OCLN: variants seen among roughly 807,000 people sequenced by gnomAD.
The protein encoded by OCLN is occludin, also known as phosphatase 1, regulatory subunit 115.
A neutral mutation model predicts 47.9 loss-of-function variants in OCLN; 21 were observed. The observed-to-expected ratio is 0.44, with a 90% CI of 0.31 to 0.63. OCLN has a LOEUF of 0.63. Ranked by LOEUF, OCLN falls within the 30% of genes least tolerant of loss-of-function variation. OCLN has a pLI of 0.08. For missense variants in OCLN, 360 were observed against 571.0 expected, an observed-to-expected ratio of 0.63 and a Z score of 3.77; for synonymous variants, 117 against 198.4, an observed-to-expected ratio of 0.59 and a Z score of 3.45.
chr5:69,553,811 A>G lies in OCLN; in HGVS notation c.*140A>G. 2 of 1,295,372 alleles carry G rather than the reference A, an allele frequency of 1.5e-6. No individual in the cohort carries two copies. The highest frequency in any genetic ancestry group is 2.2e-6 in the Non-Finnish European group (2 of 918,536). 80.2% of individuals were successfully genotyped at this position (1,295,372 alleles called of 1,614,324 possible). Reference sequence around the variant, plus strand: ...AAGTTTTGGTTGCTTTAACATCATCAGTATTGAAGCATTTTATAAATCGCT... The same window carrying G: ...AAGTTTTGGTTGCTTTAACATCATCGGTATTGAAGCATTTTATAAATCGCT... On this transcript the variant is annotated 3_prime_UTR_variant, in exon 9 of 9. Transcript: ENST00000396442.
At chr5:69,530,726 A>C (rs748960742) in intron 4 of OCLN, 4 of 152,124 alleles carry the variant, frequency 2.6e-5, no homozygotes, top group Non-Finnish European at 5.9e-5. Flanking sequence ...ACTGCCTTGG[A>C]ATTTATTATG....
intron 1 of OCLN, among the ~76,000 whole-genome samples, chr5:69,495,185 T>C (rs1203199252): frequency 1.3e-5 from 2 of 152,248 alleles, no homozygotes; most frequent in Non-Finnish European, 2.9e-5. Context: ...GATTGGAATA[T>C]TAATGGATCT....
chr5:69,516,322 C>T (rs535985367), intron 4 of OCLN, among the ~76,000 whole-genome samples: 1 of 152,354 alleles, frequency 6.6e-6, no homozygotes, highest in East Asian at 1.9e-4. Context: ...CAGCGAAACC[C>T]CGTCTCCACC....
At chr5:69,527,726 A>G (rs775449657) in intron 4 of OCLN, among the ~76,000 whole-genome samples, 5 of 152,110 alleles carry the variant, frequency 3.3e-5, no homozygotes, top group African/African-American at 9.7e-5. Flanking sequence ...GTCTATTTCT[A>G]TCAGTCTTGA....
rs1769957278 is a variant in OCLN, at chr5:69,555,526, C to A, written c.*1855C>A. 1.3e-5 allele frequency: 2 copies of A among 152,052 alleles called. No homozygotes were observed. The highest frequency in any genetic ancestry group is 4.8e-5 in the African/African-American group (2 of 41,456). The allele number at this position is 152,052 out of a possible 1,614,324, so 9.4% of individuals were successfully genotyped here. On this transcript the variant is annotated 3_prime_UTR_variant, in exon 9 of 9. Coordinates refer to ENST00000396442, the MANE Select transcript of OCLN (RefSeq NM_001205254.2). ...TCAGGTGATCCATCCACCTCGGCCT[C>A]CCAAAGTGCTGGGATTAGAGGCGTG...
intron 1 of OCLN, among the ~76,000 whole-genome samples, chr5:69,495,121 TC>T (rs971129752): frequency 6.6e-6 from 1 of 152,246 alleles, no homozygotes; most frequent in Non-Finnish European, 1.5e-5. Flanking sequence ...TCTTTCATCT[TC>T]CTAGGAACCT....
intron 4 of OCLN, among the ~76,000 whole-genome samples, chr5:69,518,338 C>T (rs1040040596): frequency 1.3e-5 from 2 of 152,040 alleles, no homozygotes; most frequent in African/African-American, 2.4e-5. Flanking sequence ...ATGATTTTGC[C>T]CAAACTAATG....
At chr5:69,510,119 C>T (rs1339714430) in intron 3 of OCLN, among the ~76,000 whole-genome samples, 1 of 152,204 alleles carries the variant, frequency 6.6e-6, no homozygotes, top group South Asian at 2.1e-4. Flanking sequence ...TTAGCGGTCA[C>T]TCCTCATTTC....
At chr5:69,520,986 T>C (rs1769122181) in intron 4 of OCLN, among the ~76,000 whole-genome samples, 1 of 152,160 alleles carries the variant, frequency 6.6e-6, no homozygotes, top group African/African-American at 2.4e-5. Flanking sequence ...TAGCTGGGAT[T>C]ACAGGCACAT....
At chr5:69,535,862 C>T (rs1262983546) in intron 5 of OCLN, among the ~76,000 whole-genome samples, 2 of 152,164 alleles carry the variant, frequency 1.3e-5, no homozygotes, top group African/African-American at 4.8e-5. Flanking sequence ...CGGTGGCTCA[C>T]GCCTATAATC....
At chr5:69,515,440 G>A (rs1768914372) in intron 4 of OCLN, among the ~76,000 whole-genome samples, 1 of 137,340 alleles carries the variant, frequency 7.3e-6, no homozygotes, top group African/African-American at 2.8e-5. Flanking sequence ...AGACGGGGCG[G>A]CTGGCCGGGC....
At chr5:69,504,154 A>G (rs754064790) in intron 1 of OCLN, 23 bp from the exon 2 acceptor site, 1 of 880,508 alleles carries the variant, frequency 1.1e-6, no homozygotes. Context: ...TAGTAATGCC[A>G]TAACTCTACT....
chr5:69,531,663 C>A (rs1019491087), intron 4 of OCLN, among the ~76,000 whole-genome samples: 5 of 152,208 alleles, frequency 3.3e-5, no homozygotes, highest in Non-Finnish European at 5.9e-5. Flanking sequence ...CGTGGCAACC[C>A]ACCCACTGGT....
At chr5:69,551,612 GA>G in intron 8 of OCLN, 27 bp downstream of exon 8, 1 of 104,732 alleles carries the variant, frequency 9.5e-6, no homozygotes, top group Non-Finnish European at 1.7e-5. Flanking sequence ...GTTCTTTTAG[GA>G]AGAACTTTCT....
chr5:69,503,871 T>C (rs1768524568), intron 1 of OCLN, among the ~76,000 whole-genome samples: 1 of 152,202 alleles, frequency 6.6e-6, no homozygotes, highest in Non-Finnish European at 1.5e-5. Context: ...CACTTTCTTA[T>C]ACATTCTCAT....
At chr5:69,524,647 G>T (rs936594747) in intron 4 of OCLN, among the ~76,000 whole-genome samples, 4 of 152,018 alleles carry the variant, frequency 2.6e-5, no homozygotes, top group Admixed American at 6.6e-5. Flanking sequence ...TGGGGTTTTG[G>T]ATTATTAAGA....
chr5:69,526,701 G>A (rs1193137171), intron 4 of OCLN, among the ~76,000 whole-genome samples: 2 of 152,208 alleles, frequency 1.3e-5, no homozygotes, highest in Admixed American at 6.5e-5. Flanking sequence ...ATTATAAAGG[G>A]TTACAACCTG....
chr5:69,507,746 C>A (rs991401291), intron 2 of OCLN, among the ~76,000 whole-genome samples: 3 of 151,910 alleles, frequency 2.0e-5, no homozygotes, highest in Non-Finnish European at 2.9e-5. Context: ...GCTGGGATTA[C>A]AAGCACACAC....
At chr5:69,495,117 A>C (rs1279592411) in intron 1 of OCLN, among the ~76,000 whole-genome samples, 2 of 152,230 alleles carry the variant, frequency 1.3e-5, no homozygotes, top group East Asian at 3.8e-4. Flanking sequence ...AATATCTTTC[A>C]TCTTCCTAGG....
Sources: gnomAD v4.1 joint callset for allele counts (sites outside exome capture counted in the v4.1 genomes callset) on GRCh38, gnomAD v4.1.1 for gene constraint, MANE v1.5 for transcripts, NCBI Gene and HGNC (gene_info 2026-07-23, HGNC 2026-07-21) for gene names.